Variants in MAP1B observed in about 807,000 individuals in gnomAD.
The protein encoded by MAP1B is microtubule-associated protein 1B.
In MAP1B, 12 loss-of-function variants were observed where a neutral mutation model predicts 176.1. The ratio of observed to expected loss-of-function variants is 0.07; its 90% CI spans 0.04 to 0.11. MAP1B has a LOEUF of 0.11. Ranked by LOEUF, MAP1B falls within the 10% of genes least tolerant of loss-of-function variation. MAP1B has a pLI of 1.00. For missense variants in MAP1B, 2,523 were observed against 2,990.5 expected (o/e 0.84, Z 3.65); for synonymous variants, 1,044 against 1,135.0 (o/e 0.92, Z 1.61).
intron 2 of MAP1B, among the ~76,000 whole-genome samples, chr5:72,180,311 T>A (rs1746739753): frequency 6.6e-6 from 1 of 152,124 alleles, no homozygotes; most frequent in Non-Finnish European, 1.5e-5. Flanking sequence ...CACAACAAAA[T>A]TGTGACCAAA....
At chr5:72,169,009 T>TA in intron 2 of MAP1B, among the ~76,000 whole-genome samples, 1 of 152,352 alleles carries the variant, frequency 6.6e-6, no homozygotes, top group East Asian at 1.9e-4. Context: ...GTACTCATCT[T>TA]AAAACAAATA....
rs754928789 is a variant in MAP1B, at chr5:72,198,202, C to T, written c.4847C>T (p.Pro1616Leu). The change falls in exon 5 of 7, where the codon CCG becomes CTG. Residue 1616 changes from proline to leucine, a missense_variant. Around this residue, in one of 4 missense-constraint regions of MAP1B, gnomAD observed 1,925 missense variants for 2,126.0 expected, o/e 0.91. Coordinates refer to ENST00000296755, the MANE Select transcript of MAP1B (RefSeq NM_005909.5). ...CCATCTAAAGAAGAATGCCCAAGAC[C>T]GATGTCAATTTCTCCACCAGATTTC... ...MSPSKEECPR[P>L]MSISPPDFSP... The T allele has an allele frequency of 9.3e-6, 15 of 1,614,052 alleles. No individual in the cohort carries two copies. Among genetic ancestry groups the T allele is most frequent in the South Asian group, 3.3e-5 (3 of 91,080 alleles).
chr5:72,188,153 C>T (rs1039549555), intron 4 of MAP1B, among the ~76,000 whole-genome samples: 4 of 152,186 alleles, frequency 2.6e-5, no homozygotes, highest in African/African-American at 9.7e-5. Context: ...ATTGAAATTC[C>T]AAAGCTAGGG....
At chr5:72,178,491 T>C (rs1337432230) in intron 2 of MAP1B, among the ~76,000 whole-genome samples, 1 of 152,152 alleles carries the variant, frequency 6.6e-6, no homozygotes, top group African/African-American at 2.4e-5. Flanking sequence ...AGTTGGTAGG[T>C]GAAGAGAGGG....
chr5:72,196,134 G>A lies in MAP1B; in HGVS notation c.2779G>A (p.Glu927Lys), dbSNP rs950455734. 6.2e-7 allele frequency: 1 copy of A among 1,613,574 alleles called. No individual in the cohort carries two copies. The highest frequency in any genetic ancestry group is 1.8e-4 in the Middle Eastern group (1 of 5,690). The change falls in exon 5 of 7, where the codon GAA becomes AAA. Residue 927 changes from glutamate to lysine, a missense_variant. Around this residue, in one of 4 missense-constraint regions of MAP1B, gnomAD observed 1,925 missense variants for 2,126.0 expected, o/e 0.91. Coordinates refer to ENST00000296755, the MANE Select transcript of MAP1B (RefSeq NM_005909.5). The surrounding 1 kb of genome is among the most constrained non-coding windows in gnomAD (Gnocchi z 5.3). ...GGGAGTAGACGACATTGAAAAATTT[G>A]AAGATGAAGGAGCCGGTTTTGAAGA... ...KQGVDDIEKFEDEGAGFEESS... is the reference protein window; with the variant it reads ...KQGVDDIEKFKDEGAGFEESS...
chr5:72,137,734 T>C (rs1745861911), intron 2 of MAP1B, among the ~76,000 whole-genome samples: 1 of 152,216 alleles, frequency 6.6e-6, no homozygotes, highest in South Asian at 2.1e-4. Context: ...AGAACTATAC[T>C]TTCTCTTATT....
At chr5:72,119,810 A>AC (rs1745494870) in intron 2 of MAP1B, among the ~76,000 whole-genome samples, 1 of 152,158 alleles carries the variant, frequency 6.6e-6, no homozygotes. Context: ...CCCGGCCAGA[A>AC]CAACAGTCTT....
At chr5:72,158,006 ATTTTTTTTT>A (rs33987772) in intron 2 of MAP1B, among the ~76,000 whole-genome samples, 2 of 104,320 alleles carry the variant, frequency 1.9e-5, no homozygotes, top group African/African-American at 7.2e-5. Context: ...CACCTGGCTA[ATTTTTTTTT>A]TTTTTTTTTT....
chr5:72,139,729 T>C (rs1745911626), intron 2 of MAP1B, among the ~76,000 whole-genome samples: 1 of 152,182 alleles, frequency 6.6e-6, no homozygotes, highest in Non-Finnish European at 1.5e-5. Flanking sequence ...TGAGGAAACC[T>C]CGTATATAGT....
Position 72,196,838 on chromosome 5 carries a change from T to C in MAP1B, c.3483T>C (p.Asn1161=), listed in dbSNP as rs368031428. ...AGTCCCCTTCTCAGGAATTCGTAAA[T>C]ATCACCAAATATGAATCTTCATTGT... ...ETESPSQEFV[N]ITKYESSLYS... The change falls in exon 5 of 7, where the codon AAT becomes AAC. Residue 1161 remains asparagine, a synonymous_variant. Coordinates refer to ENST00000296755, the MANE Select transcript of MAP1B (RefSeq NM_005909.5). This position sits in a 1 kb window ranked among gnomAD's most constrained non-coding sequence, Gnocchi z 5.3. 1.2e-6 allele frequency: 2 copies of C among 1,614,020 alleles called. No homozygotes were observed. Among genetic ancestry groups the C allele is most frequent in the Non-Finnish European group, 1.7e-6 (2 of 1,179,990 alleles).
intron 2 of MAP1B, among the ~76,000 whole-genome samples, chr5:72,178,725 G>GGGGTGTGT (rs761860242): frequency 7.1e-6 from 1 of 140,418 alleles, no homozygotes; most frequent in Non-Finnish European, 1.5e-5. Context: ...GCCTCTGAGG[G>GGGGTGTGT]GTGTGTGTGT....
At chr5:72,131,341 C>T (rs915151752) in intron 2 of MAP1B, among the ~76,000 whole-genome samples, 1 of 151,976 alleles carries the variant, frequency 6.6e-6, no homozygotes, top group African/African-American at 2.4e-5. Flanking sequence ...TTATTATTTT[C>T]CCTTATGTTT....
At position 72,196,517 on chromosome 5, in the gene MAP1B, G is replaced by A. The variant is rs1747172977; in HGVS notation, c.3162G>A (p.Glu1054=). 6.2e-7 allele frequency: 1 copy of A among 1,613,822 alleles called. No individual in the cohort carries two copies. Among genetic ancestry groups the A allele is most frequent in the Non-Finnish European group, 8.5e-7 (1 of 1,180,026 alleles). Residue 1054 remains glutamate (E), a synonymous_variant, in exon 5 of 7, where the codon GAG becomes GAA. Coordinates refer to ENST00000296755, the MANE Select transcript of MAP1B (RefSeq NM_005909.5). The surrounding 1 kb of genome is among the most constrained non-coding windows in gnomAD (Gnocchi z 5.3). The part of the protein sequence containing the change: ...YVMAVVDKAA[E]AGGAEEQYGF... Reference sequence around the variant, plus strand: ...TGGCTGTGGTCGACAAGGCTGCAGAGGCTGGTGGTGCCGAGGAGCAGTATG... The same window carrying A: ...TGGCTGTGGTCGACAAGGCTGCAGAAGCTGGTGGTGCCGAGGAGCAGTATG...
chr5:72,122,168 G>A (rs934639128), intron 2 of MAP1B, among the ~76,000 whole-genome samples: 2 of 152,168 alleles, frequency 1.3e-5, no homozygotes, highest in African/African-American at 4.8e-5. Flanking sequence ...GCCTGGGAAG[G>A]AGAGTCCCAT....
chr5:72,205,004 T>G lies in MAP1B; in HGVS notation c.7252-80T>G, dbSNP rs965660506. 14 of 1,144,538 alleles carry G rather than the reference T, an allele frequency of 1.2e-5. No individual in the cohort carries two copies. The South Asian group carries it at 1.8e-4, about 15-fold the overall frequency. The allele number at this position is 1,144,538 out of a possible 1,614,324, so 70.9% of individuals were successfully genotyped here. ...CATTTCCCTTCTTCTTCCAGTGGTC[T>G]AATACCTTGCTATTCAATTTTTTTC... On this transcript the variant is annotated intron_variant, in intron 6 of 6. Coordinates refer to ENST00000296755, the MANE Select transcript of MAP1B (RefSeq NM_005909.5).
intron 2 of MAP1B, among the ~76,000 whole-genome samples, chr5:72,136,032 GA>G (rs533964551): frequency 1.4e-3 from 215 of 152,300 alleles, no homozygotes; most frequent in Non-Finnish European, 2.7e-3. Context: ...GAGTGTTCTA[GA>G]AAGAACTAGA....
intron 2 of MAP1B, among the ~76,000 whole-genome samples, chr5:72,132,512 A>G (rs1355255043): frequency 6.6e-6 from 1 of 152,174 alleles, no homozygotes; most frequent in Non-Finnish European, 1.5e-5. Context: ...AACATTTCAC[A>G]TTTGTCCTGT....
intron 4 of MAP1B, 91 bp from the exon 5 acceptor site, chr5:72,193,775 C>G: frequency 7.3e-7 from 1 of 1,377,622 alleles, no homozygotes; most frequent in Admixed American, 2.7e-5. Context: ...ATCCTGTGAT[C>G]CTGTAACACA....
chr5:72,165,819 C>T (rs1160982231), intron 2 of MAP1B, among the ~76,000 whole-genome samples: 2 of 152,144 alleles, frequency 1.3e-5, no homozygotes, highest in East Asian at 1.9e-4. Flanking sequence ...GCCAGTAGAA[C>T]ATGTACTGCA....
Sources: allele counts gnomAD v4.1 joint callset (sites outside exome capture counted in the v4.1 genomes callset), GRCh38; gene constraint gnomAD v4.1.1; regional missense constraint gnomAD v4.1.1; non-coding constraint Gnocchi (gnomAD v3.1); transcripts MANE v1.5; gene names NCBI Gene and HGNC (gene_info 2026-07-23, HGNC 2026-07-21).